CNBP: variants seen among roughly 807,000 people sequenced by gnomAD.
The protein encoded by CNBP is CCHC-type zinc finger nucleic acid binding protein.
CNBP carries 6 observed loss-of-function variants against 21.2 expected under a neutral mutation model. That is an observed-to-expected ratio of 0.28 (90% CI 0.16 to 0.56). CNBP has a LOEUF of 0.56. Ranked by LOEUF, CNBP falls within the 20% of genes least tolerant of loss-of-function variation. The pLI is 0.93. For missense variants in CNBP, 112 were observed against 233.1 expected (o/e 0.48, Z 3.38); for synonymous variants, 61 against 74.9 (o/e 0.81, Z 0.96).
At chr3:129,181,503 T>C (rs997799242) in intron 1 of CNBP, among the ~76,000 whole-genome samples, 11 of 151,022 alleles carry the variant, frequency 7.3e-5, no homozygotes, top group African/African-American at 2.7e-4. Context: ...ATACAAAAAC[T>C]AGCTGGGTGT....
rs1157736410 is a variant in CNBP at position 129,168,224 on chromosome 3, A to C, written c.*2229T>G. ...TCCAGGCTCTAACTGTACATCCTTAAGTAAATTAAGTTTAACTCATCTATT... is the reference window on the plus strand; with the variant it reads ...TCCAGGCTCTAACTGTACATCCTTACGTAAATTAAGTTTAACTCATCTATT... On this transcript the variant is annotated 3_prime_UTR_variant, in exon 5 of 5. Coordinates refer to ENST00000422453, the MANE Select transcript of CNBP (RefSeq NM_003418.5). 6.6e-6 allele frequency among the ~76,000 whole-genome samples: 1 copy of C among 152,182 alleles called. No homozygotes were observed. The highest frequency in any genetic ancestry group is 1.5e-5 in the Non-Finnish European group (1 of 68,034).
intron 1 of CNBP, among the ~76,000 whole-genome samples, chr3:129,180,152 GTAT>G (rs1319395202): frequency 1.3e-5 from 2 of 151,240 alleles, no homozygotes; most frequent in African/African-American, 4.9e-5. Context: ...TTACATAAAG[GTAT>G]TACTACTATA....
chr3:129,183,667 C>G (rs1020562024), intron 1 of CNBP, 109 bp downstream of exon 1: 1 of 152,634 alleles, frequency 6.6e-6, no homozygotes, highest in African/African-American at 2.4e-5. Flanking sequence ...AGGCGCAGGC[C>G]AAAGTGCGGC....
intron 1 of CNBP, among the ~76,000 whole-genome samples, chr3:129,177,619 A>G (rs992534490): frequency 2.6e-5 from 4 of 152,214 alleles, no homozygotes; most frequent in African/African-American, 7.2e-5. Context: ...TAGCAGGTTT[A>G]GAGTGAGGCT....
At chr3:129,172,827 G>T (rs1937643310) in intron 1 of CNBP, among the ~76,000 whole-genome samples, 1 of 151,966 alleles carries the variant, frequency 6.6e-6, no homozygotes, top group Admixed American at 6.6e-5. Context: ...TGGGCAAATA[G>T]AAGTCATTTA....
chr3:129,174,813 AATG>A (rs1937790150), intron 1 of CNBP, among the ~76,000 whole-genome samples: 1 of 152,186 alleles, frequency 6.6e-6, no homozygotes, highest in Non-Finnish European at 1.5e-5. Flanking sequence ...TTTGCACATA[AATG>A]ATTACTTTTA....
chr3:129,172,762 A>C (rs1033270051), intron 1 of CNBP, among the ~76,000 whole-genome samples: 1 of 151,816 alleles, frequency 6.6e-6, no homozygotes, highest in African/African-American at 2.4e-5. Context: ...ACTCATTCCA[A>C]GTCCAACTTA....
Position 129,168,825 on chromosome 3 carries a change from G to A in CNBP, c.*1628C>T, listed in dbSNP as rs1006133532. On this transcript the variant is annotated 3_prime_UTR_variant, in exon 5 of 5. Coordinates refer to ENST00000422453, the MANE Select transcript of CNBP (RefSeq NM_003418.5). ...AAAATACAAAAAATAGGCCGGGCGC[G>A]GTGGCTCACGCCTGTGATCCCAGCA... 9.2e-5 allele frequency among the ~76,000 whole-genome samples: 14 copies of A among 151,968 alleles called. No homozygotes were observed. Among genetic ancestry groups the A allele is most frequent in the African/African-American group, 2.4e-4 (10 of 41,494 alleles).
intron 1 of CNBP, among the ~76,000 whole-genome samples, chr3:129,179,997 C>CT (rs373194657): frequency 3.6e-4 from 55 of 151,188 alleles, no homozygotes; most frequent in African/African-American, 1.2e-3. Flanking sequence ...CAGAGCAAGA[C>CT]TTTGTCTCCA....
intron 1 of CNBP, among the ~76,000 whole-genome samples, chr3:129,174,261 C>T (rs1039808267): frequency 7.2e-6 from 1 of 139,268 alleles, no homozygotes; most frequent in African/African-American, 2.7e-5. Context: ...ATAGTATCTG[C>T]TTTGTAATCA....
Position 129,171,522 on chromosome 3 carries a change from G to A in CNBP, c.141C>T (p.Ser47=). 1 of 1,614,068 alleles carries A rather than the reference G, an allele frequency of 6.2e-7. No homozygotes were observed. Among genetic ancestry groups the A allele is most frequent in the Non-Finnish European group, 8.5e-7 (1 of 1,179,920 alleles). ...GATAACAAATGTCTGGAAGAGACGA[G>A]GAAACAAACTGGAAACCTGTTTTGA... The part of the protein sequence containing the change: ...FTSDRGFQFV[S]SSLPDICYRC... The change falls in exon 3 of 5, where the codon TCC becomes TCT. Residue 47 remains serine (S), a synonymous_variant. Coordinates refer to ENST00000422453, the MANE Select transcript of CNBP (RefSeq NM_003418.5).
rs901108651 is a variant in CNBP, at chr3:129,168,280, G to A, written c.*2173C>T. On this transcript the variant is annotated 3_prime_UTR_variant, in exon 5 of 5. Transcript: ENST00000422453. ...GTGAGTTAAAACAGATGAGTTTTAA[G>A]GTCCATCTCAACTCTAAATGAGACA... Among the ~76,000 whole-genome samples, 9 of 152,000 alleles carry A rather than the reference G, an allele frequency of 5.9e-5. No individual in the cohort carries two copies. The highest frequency in any genetic ancestry group is 2.4e-5 in the African/African-American group (1 of 41,388).
At chr3:129,171,611 A>C in intron 2 of CNBP, 23 bp downstream of exon 2, 9 of 1,614,198 alleles carry the variant, frequency 5.6e-6, no homozygotes, top group Non-Finnish European at 6.8e-6. Flanking sequence ...AAGTACTTCA[A>C]ATTTTTCTAT....
chr3:129,179,438 C>T (rs1462736917), intron 1 of CNBP, among the ~76,000 whole-genome samples: 2 of 152,170 alleles, frequency 1.3e-5, no homozygotes, highest in African/African-American at 4.8e-5. Flanking sequence ...TGGTTAATTA[C>T]ATCCATTTCC....
Position 129,168,160 on chromosome 3 carries a change from G to A in CNBP, c.*2293C>T, listed in dbSNP as rs984195975. The stretch of plus-strand genomic sequence containing the variant: ...GCTAACCGCATTTAATTTCGAAGTG[G>A]GGGGAAACAGGGCATGGGGAGTGAA... On this transcript the variant is annotated 3_prime_UTR_variant, in exon 5 of 5. Transcript: ENST00000422453. Among the ~76,000 whole-genome samples, 1 of 152,122 alleles carries A rather than the reference G, an allele frequency of 6.6e-6. No homozygotes were observed. Among genetic ancestry groups the A allele is most frequent in the African/African-American group, 2.4e-5 (1 of 41,438 alleles).
chr3:129,181,450 G>C (rs965858698), intron 1 of CNBP, among the ~76,000 whole-genome samples: 1 of 146,240 alleles, frequency 6.8e-6, no homozygotes, highest in African/African-American at 2.5e-5. Context: ...TCAGGAGTTC[G>C]AGACCAGCCT....
chr3:129,176,815 G>C (rs1037463587), intron 1 of CNBP, among the ~76,000 whole-genome samples: 2 of 152,128 alleles, frequency 1.3e-5, no homozygotes, highest in Non-Finnish European at 2.9e-5. Flanking sequence ...CATTCCCAAT[G>C]TAATTTTTTT....
At chr3:129,171,937 T>G (rs1937577449) in intron 1 of CNBP, among the ~76,000 whole-genome samples, 166 bp from the exon 2 acceptor site, 1 of 152,174 alleles carries the variant, frequency 6.6e-6, no homozygotes, top group Non-Finnish European at 1.5e-5. Context: ...CCCATCACTT[T>G]GGGAGGCCGA....
In CNBP at chr3:129,168,868, G is replaced by A. The variant is rs1419578748; in HGVS notation, c.*1585C>T. On this transcript the variant is annotated 3_prime_UTR_variant, in exon 5 of 5. Transcript: ENST00000422453. The stretch of plus-strand genomic sequence containing the variant: ...TCCCAGCACTTTGGGAGGCCAAGGC[G>A]GGCGGATCACGAGGTCAGGAGATTG... Among the ~76,000 whole-genome samples the A allele has an allele frequency of 2.0e-5, 3 of 151,600 alleles. No homozygotes were observed. The highest frequency in any genetic ancestry group is 1.9e-4 in the East Asian group (1 of 5,144).
Sources: allele counts gnomAD v4.1 joint callset (sites outside exome capture counted in the v4.1 genomes callset), GRCh38; gene constraint gnomAD v4.1.1; transcripts MANE v1.5; gene names NCBI Gene and HGNC (gene_info 2026-07-23, HGNC 2026-07-21).